Variants in BICRA observed in about 807,000 individuals in gnomAD.
BICRA encodes BRD4 interacting chromatin remodeling complex associated protein, also known as BRD4-interacting chromatin-remodeling complex-associated protein.
BICRA carries 31 observed loss-of-function variants against 96.9 expected under a neutral mutation model. The ratio of observed to expected loss-of-function variants is 0.32; its 90% CI spans 0.24 to 0.43. The LOEUF (loss-of-function observed/expected upper bound fraction) is 0.43, where lower values mean the gene tolerates loss of function less well. Ranked by LOEUF, BICRA falls within the 20% of genes least tolerant of loss-of-function variation. The pLI, the probability that BICRA is intolerant of heterozygous loss-of-function variation, is 1.00. For missense variants in BICRA, 2,283 were observed against 2,190.3 expected, an observed-to-expected ratio of 1.04 and a Z score of -0.84; for synonymous variants, 1,350 against 1,071.8, an observed-to-expected ratio of 1.26 and a Z score of -5.07.
chr19:47,695,773 G>A (rs1973331343), intron 10 of BICRA, among the ~76,000 whole-genome samples: 2 of 152,092 alleles, frequency 1.3e-5, no homozygotes, highest in East Asian at 1.9e-4. Flanking sequence ...GACACAGGAC[G>A]GGAAGGACAG....
In BICRA at chr19:47,625,384, A is replaced by C. The variant is rs1390567068; in HGVS notation, c.-108+16216A>C. Among the ~76,000 whole-genome samples the C allele has an allele frequency of 6.7e-5, 10 of 148,710 alleles. No individual in the cohort carries two copies. The East Asian group carries it at 1.2e-3, about 18-fold the overall frequency. ...TGATTGTGGTTCACTGTGGCCTCCAACTCTTTTGGGGCCACATCTCGCAGG... is the reference window on the plus strand; with the variant it reads ...TGATTGTGGTTCACTGTGGCCTCCACCTCTTTTGGGGCCACATCTCGCAGG... On this transcript the variant is annotated intron_variant, in intron 1 of 14. Transcript: ENST00000594866.
At chr19:47,666,854 G>GTGT (rs1016732262) in intron 1 of BICRA, among the ~76,000 whole-genome samples, 4 of 152,058 alleles carry the variant, frequency 2.6e-5, no homozygotes, top group African/African-American at 9.7e-5. Context: ...GGGATTACAG[G>GTGT]TGTGAGCTAA....
At chr19:47,652,741 C>T (rs1972558060) in intron 1 of BICRA, among the ~76,000 whole-genome samples, 1 of 152,080 alleles carries the variant, frequency 6.6e-6, no homozygotes, top group Non-Finnish European at 1.5e-5. Context: ...GCTGAAAAAG[C>T]AAAAATTATT....
chr19:47,676,603 C>CT (rs3834633), intron 5 of BICRA, among the ~76,000 whole-genome samples: 38,095 of 131,382 alleles, frequency 0.29, 6,175 homozygotes, highest in Middle Eastern at 0.43. Flanking sequence ...CTCCTTCCCC[C>CT]CCTCACCCTC....
intron 1 of BICRA, among the ~76,000 whole-genome samples, chr19:47,660,268 TG>T (rs1972685489): frequency 6.6e-6 from 1 of 152,090 alleles, no homozygotes; most frequent in African/African-American, 2.4e-5. Flanking sequence ...CATTAAGCTT[TG>T]CCTCCTTCTT....
Position 47,699,387 on chromosome 19 carries a change from C to G in BICRA, c.3577C>G (p.Leu1193Val). The change falls in exon 14 of 15, where the codon CTG (leucine) becomes GTG (valine). Residue 1193 changes from leucine to valine, a missense_variant. Leu to Val is a conservative substitution (Grantham distance 32). Transcript: ENST00000594866. This position sits in a 1 kb window ranked among gnomAD's most constrained non-coding sequence, Gnocchi z 5.0. The stretch of plus-strand genomic sequence containing the variant: ...GACCACCCTTGCCTTGGATAAACAG[C>G]TGGCCAAGGAGAAGCCGGGTGAGAG... Reference protein sequence around the residue: ...EKTTLALDKQLAKEKPDEYVS... With the variant: ...EKTTLALDKQVAKEKPDEYVS... 6.4e-7 allele frequency: 1 copy of G among 1,559,496 alleles called. No individual in the cohort carries two copies. The highest frequency in any genetic ancestry group is 8.7e-7 in the Non-Finnish European group (1 of 1,150,268).
intron 1 of BICRA, among the ~76,000 whole-genome samples, chr19:47,614,100 A>G (rs1485186169): frequency 1.3e-5 from 2 of 151,340 alleles, no homozygotes; most frequent in Admixed American, 6.6e-5. Flanking sequence ...GTGGGGTTTC[A>G]TTCATTCTGT....
chr19:47,654,626 C>A (rs898135939), intron 1 of BICRA, among the ~76,000 whole-genome samples: 101 of 152,138 alleles, frequency 6.6e-4, no homozygotes, highest in African/African-American at 2.4e-3. Flanking sequence ...GGACTAAAGA[C>A]ACCTGCTACC....
At chr19:47,668,850 T>C (rs1169779588) in intron 1 of BICRA, among the ~76,000 whole-genome samples, 1 of 151,550 alleles carries the variant, frequency 6.6e-6, no homozygotes, top group Non-Finnish European at 1.5e-5. Flanking sequence ...CCAGGCGCAG[T>C]GGCTCACTCC....
intron 7 of BICRA, among the ~76,000 whole-genome samples, chr19:47,687,091 TTTA>T (rs1973170884): frequency 6.6e-6 from 1 of 152,218 alleles, no homozygotes; most frequent in Non-Finnish European, 1.5e-5. Flanking sequence ...TTATTTGATT[TTTA>T]TTCATTTATT....
intron 1 of BICRA, among the ~76,000 whole-genome samples, 181 bp downstream of exon 1, chr19:47,609,349 C>G (rs939682089): frequency 6.8e-6 from 1 of 147,718 alleles, no homozygotes; most frequent in Non-Finnish European, 1.5e-5. Context: ...CTCAGCCCCC[C>G]AGCCGGGGCG....
intron 7 of BICRA, among the ~76,000 whole-genome samples, chr19:47,691,194 T>G (rs1973236129): frequency 6.6e-6 from 1 of 152,240 alleles, no homozygotes; most frequent in Non-Finnish European, 1.5e-5. Flanking sequence ...AATTGCTTCC[T>G]CAGTGGGCCT....
At chr19:47,666,603 A>C (rs1387780852) in intron 1 of BICRA, among the ~76,000 whole-genome samples, 1 of 134,476 alleles carries the variant, frequency 7.4e-6, no homozygotes, top group African/African-American at 2.9e-5. Flanking sequence ...ATGGAGTCTC[A>C]CTCTGTCGCC....
At chr19:47,666,276 T>TTTTTTC (rs1408242291) in intron 1 of BICRA, among the ~76,000 whole-genome samples, 1 of 138,524 alleles carries the variant, frequency 7.2e-6, no homozygotes, top group Non-Finnish European at 1.5e-5. Flanking sequence ...CCCAATTTCT[T>TTTTTTC]TTTTTCTTTT....
intron 1 of BICRA, chr19:47,663,642 A>G (rs1336130119): frequency 1.3e-5 from 2 of 152,220 alleles, no homozygotes; most frequent in African/African-American, 2.4e-5. Flanking sequence ...AGTTTTTACT[A>G]TTTGCACAAC....
rs890635003 is a variant in BICRA at position 47,701,241 on chromosome 19, T to TC, written c.3596-87_3596-86insC. On this transcript the variant is annotated intron_variant, in intron 14 of 14. Coordinates refer to ENST00000594866, the MANE Select transcript of BICRA (RefSeq NM_001394372.1). This position sits in a 1 kb window ranked among gnomAD's most constrained non-coding sequence, Gnocchi z 5.4. ...GTGCAGTCTGGTGCCTGGCAGGTAG[T>TC]AGGTGCTCACTGCACACAGCTCCTC... 1.6e-5 allele frequency: 14 copies of TC among 866,368 alleles called. No individual in the cohort carries two copies. In the African/African-American group the frequency reaches 2.3e-4, roughly 14 times the overall value. The allele number at this position is 866,368 out of a possible 1,614,324, so 53.7% of individuals were successfully genotyped here. A position where few individuals can be genotyped will look rare whatever the true frequency, so the allele number is the denominator to read the frequency against.
At chr19:47,669,059 G>T (rs772832246) in intron 1 of BICRA, among the ~76,000 whole-genome samples, 1 of 151,840 alleles carries the variant, frequency 6.6e-6, no homozygotes, top group Non-Finnish European at 1.5e-5. Context: ...AGCCGAGATC[G>T]CATCACTGCA....
chr19:47,701,494 C>T lies in BICRA; in HGVS notation c.3762C>T (p.Gly1254=), dbSNP rs746962127. 2 of 1,548,650 alleles carry T rather than the reference C, an allele frequency of 1.3e-6. No individual in the cohort carries two copies. The highest frequency in any genetic ancestry group is 2.0e-5 in the Admixed American group (1 of 51,002). The change falls in exon 15 of 15, where the codon GGC becomes GGT. Residue 1254 remains glycine, a synonymous_variant. Coordinates refer to ENST00000594866, the MANE Select transcript of BICRA (RefSeq NM_001394372.1). This position sits in a 1 kb window ranked among gnomAD's most constrained non-coding sequence, Gnocchi z 5.4. ...TKLVIRHGGA[G]GSPSVTWARA... is the part of the protein sequence containing the mutation. ...TTGTGATCCGGCACGGCGGGGCAGG[C>T]GGCTCCCCTTCGGTCACCTGGGCCC...
At chr19:47,656,949 C>T (rs1357907787) in intron 1 of BICRA, among the ~76,000 whole-genome samples, 1 of 151,800 alleles carries the variant, frequency 6.6e-6, no homozygotes, top group Non-Finnish European at 1.5e-5. Context: ...GCAACCTCCA[C>T]CTCCCGGGTT....
Sources: allele counts gnomAD v4.1 joint callset (sites outside exome capture counted in the v4.1 genomes callset), GRCh38; gene constraint gnomAD v4.1.1; non-coding constraint Gnocchi (gnomAD v3.1); transcripts MANE v1.5; gene names NCBI Gene and HGNC (gene_info 2026-07-23, HGNC 2026-07-21).